The following NRG4 variants were observed in gnomAD, a reference collection of about 807,000 sequenced individuals.
NRG4 encodes the protein neuregulin 4, also known as pro-neuregulin-4, membrane-bound isoform.
NRG4 carries 10 observed loss-of-function variants against 15.0 expected under a neutral mutation model. That is an observed-to-expected ratio of 0.67 (90% CI 0.41 to 1.13). NRG4 has a LOEUF of 1.13. Among genes scored for constraint, NRG4 ranks in the 50% most tolerant of loss-of-function variants. The pLI, the probability that NRG4 is intolerant of heterozygous loss-of-function variation, is 0.00. For synonymous variants in NRG4, 41 were observed against 50.1 expected (o/e 0.82, Z 0.77); for missense variants, 139 against 140.2 (o/e 0.99, Z 0.04).
intron 5 of NRG4, among the ~76,000 whole-genome samples, chr15:75,955,022 A>C (rs564786695): frequency 6.6e-6 from 1 of 152,244 alleles, no homozygotes; most frequent in East Asian, 1.9e-4. Flanking sequence ...TGAGGTTTCC[A>C]GCCTCAGTGG....
At chr15:76,009,681 G>A (rs148933213) in intron 2 of NRG4, among the ~76,000 whole-genome samples, 180 of 152,176 alleles carry the variant, frequency 1.2e-3, no homozygotes, top group African/African-American at 4.1e-3. Context: ...TTAAATTCTT[G>A]TTTTCCCTAT....
In NRG4 at chr15:76,047,460, G is replaced by A. The variant is rs539724155; in HGVS notation, c.-105+4607C>T. ...TCCATAAAAAAAAGAATAAAATCCC[G>A]TCATTTGCAGCAACATAGATGAATC... On this transcript the variant is annotated intron_variant, in intron 4 of 8. Transcript: ENST00000563910. Among the ~76,000 whole-genome samples the A allele has an allele frequency of 6.0e-5, 9 of 150,888 alleles. No individual in the cohort carries two copies. In the South Asian group the frequency reaches 6.2e-4, roughly 10 times the overall value.
At chr15:76,020,186 C>T (rs1385616427) in intron 5 of NRG4, among the ~76,000 whole-genome samples, 1 of 152,172 alleles carries the variant, frequency 6.6e-6, no homozygotes, top group Non-Finnish European at 1.5e-5. Flanking sequence ...CGACCGTTCC[C>T]CTATCTCCTC....
At chr15:76,031,259 T>C (rs188233166) in intron 5 of NRG4, among the ~76,000 whole-genome samples, 31 of 152,370 alleles carry the variant, frequency 2.0e-4, no homozygotes, top group African/African-American at 7.5e-4. Context: ...ATTAGCATCA[T>C]ATTTCACGTT....
intron 1 of NRG4, among the ~76,000 whole-genome samples, chr15:76,059,318 C>T (rs1189993709): frequency 1.3e-5 from 2 of 152,340 alleles, no homozygotes; most frequent in East Asian, 3.9e-4. Flanking sequence ...ATGACTCCGG[C>T]CACACAGAAA....
intron 5 of NRG4, among the ~76,000 whole-genome samples, chr15:76,026,010 G>C (rs1409199185): frequency 6.6e-6 from 1 of 151,952 alleles, no homozygotes; most frequent in Non-Finnish European, 1.5e-5. Flanking sequence ...CCAAAAAAAG[G>C]CCTCCAAGAT....
chr15:76,023,133 C>T (rs1192588742), intron 5 of NRG4, among the ~76,000 whole-genome samples: 306 of 7,326 alleles, frequency 0.042, 1 homozygote, highest in Middle Eastern at 0.091. Context: ...CCATACTCCA[C>T]ACACACACAC....
intron 4 of NRG4, among the ~76,000 whole-genome samples, chr15:76,051,001 A>ATT (rs1166326343): frequency 6.9e-6 from 1 of 145,268 alleles, no homozygotes; most frequent in Non-Finnish European, 1.5e-5. Flanking sequence ...TTATTTATTT[A>ATT]TTTATTTTTA....
intron 4 of NRG4, among the ~76,000 whole-genome samples, chr15:76,040,202 C>A (rs1159806861): frequency 6.6e-6 from 1 of 152,120 alleles, no homozygotes; most frequent in Non-Finnish European, 1.5e-5. Flanking sequence ...CAATGGACCT[C>A]CAATATGTCT....
At chr15:75,981,512 A>G (rs886828829) in intron 3 of NRG4, among the ~76,000 whole-genome samples, 1 of 152,152 alleles carries the variant, frequency 6.6e-6, no homozygotes, top group African/African-American at 2.4e-5. Flanking sequence ...GTAACTAAAA[A>G]CTTAAAAATT....
At chr15:75,964,878 C>T (rs1339348443) in intron 3 of NRG4, among the ~76,000 whole-genome samples, 1 of 151,982 alleles carries the variant, frequency 6.6e-6, no homozygotes, top group African/African-American at 2.4e-5. Context: ...GCCCTGATTG[C>T]ACCACTGCAC....
intron 5 of NRG4, among the ~76,000 whole-genome samples, chr15:76,018,106 C>T (rs2035041908): frequency 6.6e-6 from 1 of 152,100 alleles, no homozygotes; most frequent in South Asian, 2.1e-4. Context: ...CTTTCTTCCA[C>T]TTGATCGATT....
intron 3 of NRG4, among the ~76,000 whole-genome samples, chr15:75,991,756 T>C (rs2034026435): frequency 6.6e-6 from 1 of 152,114 alleles, no homozygotes; most frequent in Admixed American, 6.5e-5. Context: ...TGTTATTAGG[T>C]ACATATATGT....
chr15:75,955,481 T>G (rs536967058), intron 5 of NRG4, among the ~76,000 whole-genome samples: 7 of 152,370 alleles, frequency 4.6e-5, no homozygotes, highest in Non-Finnish European at 1.0e-4. Flanking sequence ...TTTTGTTGTT[T>G]TAAGTAGAAG....
At chr15:76,004,617 AT>A (rs1196564969) in intron 3 of NRG4, among the ~76,000 whole-genome samples, 8 of 149,866 alleles carry the variant, frequency 5.3e-5, no homozygotes, top group East Asian at 1.9e-4. Flanking sequence ...AAAAAAAAAA[AT>A]TTTTTTTTAC....
intron 3 of NRG4, among the ~76,000 whole-genome samples, chr15:75,999,557 C>T (rs1016504094): frequency 3.9e-5 from 6 of 152,136 alleles, no homozygotes; most frequent in Admixed American, 2.0e-4. Context: ...ACAAGAAGGC[C>T]CTCACCACAC....
At chr15:75,943,913 C>A (rs941612407) in intron 5 of NRG4, among the ~76,000 whole-genome samples, 1 of 152,064 alleles carries the variant, frequency 6.6e-6, no homozygotes, top group Non-Finnish European at 1.5e-5. Flanking sequence ...CCACACCCCC[C>A]GCCCCTCACT....
intron 3 of NRG4, among the ~76,000 whole-genome samples, chr15:75,995,119 CAG>C (rs1307555657): frequency 6.6e-6 from 1 of 151,624 alleles, no homozygotes; most frequent in Non-Finnish European, 1.5e-5. Context: ...ACCAGGGAGG[CAG>C]AGGCTGCAGT....
chr15:75,974,345 T>G (rs1452874423), intron 3 of NRG4, among the ~76,000 whole-genome samples: 1 of 152,210 alleles, frequency 6.6e-6, no homozygotes, highest in Non-Finnish European at 1.5e-5. Flanking sequence ...TTTTGAAGGA[T>G]TTTTCGTGTC....
Sources: allele counts gnomAD v4.1 joint callset (sites outside exome capture counted in the v4.1 genomes callset), GRCh38; gene constraint gnomAD v4.1.1; transcripts MANE v1.5; gene names NCBI Gene and HGNC (gene_info 2026-07-23, HGNC 2026-07-21).